The following RELN variants were observed in gnomAD, a reference collection of about 807,000 sequenced individuals.
RELN encodes reelin.
In RELN, 108 loss-of-function variants were observed where a neutral mutation model predicts 427.6. That is an observed-to-expected ratio of 0.25 (90% CI 0.22 to 0.30). RELN has a LOEUF of 0.30. RELN is among the 10% of genes least tolerant of loss of function. The pLI is 1.00. For missense variants in RELN, 3,715 were observed against 4,302.8 expected, an observed-to-expected ratio of 0.86 and a Z score of 3.82; for synonymous variants, 1,524 against 1,513.4, an observed-to-expected ratio of 1.01 and a Z score of -0.16.
At chr7:103,957,047 G>A (rs906686718) in intron 1 of RELN, among the ~76,000 whole-genome samples, 1 of 152,176 alleles carries the variant, frequency 6.6e-6, no homozygotes, top group East Asian at 1.9e-4. Flanking sequence ...AACTGGCAGT[G>A]TGCAGGGAAG....
At chr7:103,779,807 A>G (rs1584486918) in intron 3 of RELN, among the ~76,000 whole-genome samples, 1 of 152,104 alleles carries the variant, frequency 6.6e-6, no homozygotes, top group Non-Finnish European at 1.5e-5. Flanking sequence ...GGCTCGCTGC[A>G]ACCACCACCT....
At chr7:103,482,621 C>A (rs188877261) in intron 63 of RELN, among the ~76,000 whole-genome samples, 2 of 152,152 alleles carry the variant, frequency 1.3e-5, no homozygotes, top group East Asian at 3.8e-4. Context: ...CCAATTTAAC[C>A]AATATTGTCA....
At position 103,494,394 on chromosome 7, in the gene RELN, G is replaced by GTGTGTGTGTGTGTGTGTGTGTGTGTGT. The variant is rs774896895; in HGVS notation, c.9369+1328_9369+1329insACACACACACACACACACACACACACA. Among the ~76,000 whole-genome samples the GTGTGTGTGTGTGTGTGTGTGTGTGTGT allele has an allele frequency of 4.1e-3, 546 of 134,530 alleles. 7 individuals carry two copies. The highest frequency in any genetic ancestry group is 0.011 in the East Asian group (41 of 3,896). The allele number at this position is 134,530 out of a possible 152,430, so 88.3% of individuals were successfully genotyped here. A position where few individuals can be genotyped will look rare whatever the true frequency, so the allele number is the denominator to read the frequency against. ...GTGTGTGTGTGTGTGTGTGTGTGTG[G>GTGTGTGTGTGTGTGTGTGTGTGTGTGT]GATATGGTCTTGTTCTGTTGCCCTA... On this transcript the variant is annotated intron_variant, in intron 57 of 64. Transcript: ENST00000428762.
chr7:103,953,703 C>T lies in RELN; in HGVS notation c.226+35428G>A, dbSNP rs551090687. On this transcript the variant is annotated intron_variant, in intron 1 of 64. Transcript: ENST00000428762. The surrounding 1 kb of genome is among the most constrained non-coding windows in gnomAD (Gnocchi z 4.3). ...ATCCCAGCACTTTGGGAGGCTGAGG[C>T]GGGTGGATCACCTGAGGTCAGGAGT... Among the ~76,000 whole-genome samples the T allele has an allele frequency of 2.0e-5, 3 of 152,086 alleles. No homozygotes were observed. The highest frequency in any genetic ancestry group is 2.9e-5 in the Non-Finnish European group (2 of 67,974).
At chr7:103,504,928 G>C (rs1321794380) in intron 51 of RELN, among the ~76,000 whole-genome samples, 1 of 152,152 alleles carries the variant, frequency 6.6e-6, no homozygotes, top group Non-Finnish European at 1.5e-5. Context: ...TTGAGTAGGC[G>C]GTTTTCCCTT....
intron 3 of RELN, among the ~76,000 whole-genome samples, chr7:103,814,382 C>A (rs2116349609): frequency 6.6e-6 from 1 of 152,292 alleles, no homozygotes; most frequent in East Asian, 1.9e-4. Context: ...TTCTGATTCA[C>A]TTATGATTAA....
chr7:103,551,060 T>G lies in RELN; in HGVS notation c.6302+7A>C. 1 of 1,609,312 alleles carries G rather than the reference T, an allele frequency of 6.2e-7. No homozygotes were observed. Among genetic ancestry groups the G allele is most frequent in the African/African-American group, 1.3e-5 (1 of 74,924 alleles). ...AACAAATGTGGCGTCAAGCAGCGGG[T>G]CCTTACCCACAAAGGTGCAGCTTCC... On this transcript the variant is annotated splice_region_variant and intron_variant, in intron 41 of 64. Coordinates refer to ENST00000428762, the MANE Select transcript of RELN (RefSeq NM_005045.4).
In RELN at chr7:103,909,980, T is replaced by C. The variant is rs942076200; in HGVS notation, c.337+7095A>G. Among the ~76,000 whole-genome samples the C allele has an allele frequency of 2.2e-4, 32 of 142,360 alleles. 1 individual carries two copies. Among genetic ancestry groups the C allele is most frequent in the African/African-American group, 8.2e-4 (31 of 37,904 alleles). The allele number at this position is 142,360 out of a possible 152,430, so 93.4% of individuals were successfully genotyped here. A position where few individuals can be genotyped will look rare whatever the true frequency, so the allele number is the denominator to read the frequency against. ...ATTGGTAGCTTGATGGGGATGGCATTGAATCTGTAAATTACCTTGGGCAGT... is the reference window on the plus strand; with the variant it reads ...ATTGGTAGCTTGATGGGGATGGCATCGAATCTGTAAATTACCTTGGGCAGT... On this transcript the variant is annotated intron_variant, in intron 2 of 64. Coordinates refer to ENST00000428762, the MANE Select transcript of RELN (RefSeq NM_005045.4).
chr7:103,753,250 C>A (rs753908978), intron 4 of RELN, 36 bp from the exon 5 acceptor site: 5 of 1,612,420 alleles, frequency 3.1e-6, no homozygotes, highest in Non-Finnish European at 4.2e-6. Context: ...GACAACTGAT[C>A]AGGAATGAAA....
At chr7:103,828,499 T>G (rs1324400018) in intron 3 of RELN, among the ~76,000 whole-genome samples, 1 of 151,986 alleles carries the variant, frequency 6.6e-6, no homozygotes, top group African/African-American at 2.4e-5. Context: ...TTGAGAAAGT[T>G]CACATAATAT....
In RELN at chr7:103,750,580, G is replaced by A. The variant is rs186338987; in HGVS notation, c.578-1076C>T. Among the ~76,000 whole-genome samples, 11 of 152,246 alleles carry A rather than the reference G, an allele frequency of 7.2e-5. No homozygotes were observed. In the East Asian group the frequency reaches 2.1e-3, roughly 29 times the overall value. ...AGTGTCTAATTCACTTTAAAGCATGGAATTGGATAGAACATTCTGGCTATT... is the reference window on the plus strand; with the variant it reads ...AGTGTCTAATTCACTTTAAAGCATGAAATTGGATAGAACATTCTGGCTATT... On this transcript the variant is annotated intron_variant, in intron 5 of 64. Transcript: ENST00000428762.
At chr7:103,958,629 T>C (rs1316823635) in intron 1 of RELN, among the ~76,000 whole-genome samples, 1 of 152,114 alleles carries the variant, frequency 6.6e-6, no homozygotes, top group Admixed American at 6.5e-5. Flanking sequence ...TGTCAGATCT[T>C]ACATTTGAAC....
chr7:103,476,133 A>C (rs1828023754), intron 64 of RELN, among the ~76,000 whole-genome samples: 1 of 152,092 alleles, frequency 6.6e-6, no homozygotes, highest in Non-Finnish European at 1.5e-5. Context: ...GCATATAGTA[A>C]TGGACTTGCT....
chr7:103,700,549 C>T (rs1278798108), intron 9 of RELN, among the ~76,000 whole-genome samples: 2 of 152,036 alleles, frequency 1.3e-5, no homozygotes, highest in African/African-American at 2.4e-5. Context: ...TTTAAGTAGT[C>T]ATCTGATGTA....
chr7:103,804,824 G>A (rs1392886403), intron 3 of RELN, among the ~76,000 whole-genome samples: 1 of 152,020 alleles, frequency 6.6e-6, no homozygotes, highest in African/African-American at 2.4e-5. Flanking sequence ...GTGGCTTTTT[G>A]CAATGTATTT....
chr7:103,592,829 T>C (rs1295678603), intron 27 of RELN, among the ~76,000 whole-genome samples: 1 of 152,186 alleles, frequency 6.6e-6, no homozygotes, highest in African/African-American at 2.4e-5. Context: ...CAAATGAATA[T>C]AGATTCATAT....
chr7:103,703,850 T>C (rs1834144066), intron 8 of RELN, among the ~76,000 whole-genome samples: 2 of 152,150 alleles, frequency 1.3e-5, no homozygotes, highest in South Asian at 4.1e-4. Flanking sequence ...CTTAAACTGG[T>C]CTAAAAATGC....
At chr7:103,481,356 G>C (rs1828229543) in intron 63 of RELN, among the ~76,000 whole-genome samples, 1 of 152,204 alleles carries the variant, frequency 6.6e-6, no homozygotes, top group Non-Finnish European at 1.5e-5. Context: ...AGGACTGTCA[G>C]GTTTTGAAGT....
In RELN at chr7:103,486,399, A is replaced by T; in HGVS notation, c.9781T>A (p.Phe3261Ile). The T allele has an allele frequency of 6.2e-7, 1 of 1,614,028 alleles. No homozygotes were observed. Among genetic ancestry groups the T allele is most frequent in the Non-Finnish European group, 8.5e-7 (1 of 1,179,898 alleles). Residue 3261 changes from phenylalanine (F) to isoleucine (I), a missense_variant, in exon 61 of 65, where the codon TTC (phenylalanine) becomes ATC (isoleucine). Phe to Ile is a conservative substitution (Grantham distance 21). This residue lies in a region of RELN where 195 missense variants were observed against 281.3 expected (regional missense o/e 0.69). Transcript: ENST00000428762. Reference sequence around the variant, plus strand: ...ATATAACTGGGAAGGTCGTGACTGAAAACAGAGCAGTCATCACCTAGAGGA... The same window carrying T: ...ATATAACTGGGAAGGTCGTGACTGATAACAGAGCAGTCATCACCTAGAGGA... ...ESFQGDDCSV[F>I]SHDLPSYIKD...
Sources: gnomAD v4.1 joint callset for allele counts (sites outside exome capture counted in the v4.1 genomes callset) on GRCh38, gnomAD v4.1.1 for gene constraint, gnomAD v4.1.1 regional missense constraint, Gnocchi (gnomAD v3.1) non-coding constraint, MANE v1.5 for transcripts, NCBI Gene and HGNC (gene_info 2026-07-23, HGNC 2026-07-21) for gene names.